Variants in SGPP2 observed in about 807,000 individuals in gnomAD.
The protein encoded by SGPP2 is sphingosine 1-phosphate phosphohydrolase 2.
SGPP2 carries 30 observed loss-of-function variants against 33.9 expected under a neutral mutation model. That is an observed-to-expected ratio of 0.89 (90% CI 0.66 to 1.20). The LOEUF (loss-of-function observed/expected upper bound fraction) is 1.20, where lower values mean the gene tolerates loss of function less well. SGPP2 is among the 50% of genes most tolerant of loss of function. The pLI, the probability that SGPP2 is intolerant of heterozygous loss-of-function variation, is 0.00. For missense variants in SGPP2, 458 were observed against 532.1 expected, an observed-to-expected ratio of 0.86 and a Z score of 1.37; for synonymous variants, 233 against 225.0, an observed-to-expected ratio of 1.04 and a Z score of -0.32.
chr2:222,438,128 G>C (rs1168368280), intron 1 of SGPP2, among the ~76,000 whole-genome samples: 1 of 152,120 alleles, frequency 6.6e-6, no homozygotes, highest in Admixed American at 6.5e-5. Context: ...ATCCAAATAG[G>C]CCCATTAGGC....
At chr2:222,451,836 C>T (rs1350906618) in intron 1 of SGPP2, among the ~76,000 whole-genome samples, 2 of 152,164 alleles carry the variant, frequency 1.3e-5, no homozygotes, top group Non-Finnish European at 2.9e-5. Context: ...TTGTTTAATG[C>T]TGATGGGTGG....
chr2:222,453,733 CT>C (rs1697528323), intron 1 of SGPP2, among the ~76,000 whole-genome samples: 1 of 152,050 alleles, frequency 6.6e-6, no homozygotes, highest in Non-Finnish European at 1.5e-5. Context: ...TGTTGATTGA[CT>C]GTTTATGTTA....
intron 2 of SGPP2, among the ~76,000 whole-genome samples, chr2:222,493,144 AATTTACTGT>A (rs1167535095): frequency 6.6e-6 from 1 of 152,214 alleles, no homozygotes; most frequent in East Asian, 1.9e-4. Flanking sequence ...CTTTGGTACC[AATTTACTGT>A]ATTAGTCGAT....
intron 4 of SGPP2, among the ~76,000 whole-genome samples, chr2:222,549,325 G>A (rs961606674): frequency 1.3e-5 from 2 of 152,236 alleles, no homozygotes; most frequent in African/African-American, 4.8e-5. Context: ...TTTGGAGATA[G>A]AATGGAAATT....
intron 1 of SGPP2, among the ~76,000 whole-genome samples, chr2:222,439,136 G>A (rs1179104108): frequency 6.6e-6 from 1 of 152,172 alleles, no homozygotes; most frequent in Admixed American, 6.5e-5. Flanking sequence ...CAGAGTCAGT[G>A]TCCACTAGTC....
chr2:222,437,517 A>G (rs1574830206), intron 1 of SGPP2, among the ~76,000 whole-genome samples: 1 of 152,208 alleles, frequency 6.6e-6, no homozygotes, highest in Admixed American at 6.5e-5. Context: ...CCATGAGGCC[A>G]TCGGTGCAGG....
In SGPP2 at chr2:222,561,029, C is replaced by A. The variant is rs371371590; in HGVS notation, c.*2131C>A. 1 of 150,852 alleles carries A rather than the reference C, an allele frequency of 6.6e-6. No individual in the cohort carries two copies. Among genetic ancestry groups the A allele is most frequent in the Admixed American group, 6.6e-5 (1 of 15,052 alleles). 9.3% of individuals were successfully genotyped at this position (150,852 alleles called of 1,614,324 possible). ...CTGAGGCAGGAGAATGGCGTGAACC[C>A]GGTGAGCGGAGCTTGCAGTGAGCCG... On this transcript the variant is annotated 3_prime_UTR_variant, in exon 5 of 5. Coordinates refer to ENST00000321276, the MANE Select transcript of SGPP2 (RefSeq NM_152386.4).
intron 2 of SGPP2, among the ~76,000 whole-genome samples, chr2:222,483,787 A>G (rs1698064766): frequency 6.6e-6 from 1 of 152,194 alleles, no homozygotes; most frequent in African/African-American, 2.4e-5. Flanking sequence ...GTGCCAAAAG[A>G]TGACTTTAAA....
At chr2:222,490,747 T>A (rs1049020374) in intron 2 of SGPP2, among the ~76,000 whole-genome samples, 2 of 152,030 alleles carry the variant, frequency 1.3e-5, no homozygotes, top group African/African-American at 4.8e-5. Context: ...ACCCAGCAGT[T>A]ATGTGCATTT....
At chr2:222,520,997 C>A (rs981242320) in intron 2 of SGPP2, among the ~76,000 whole-genome samples, 4 of 152,198 alleles carry the variant, frequency 2.6e-5, no homozygotes, top group Non-Finnish European at 5.9e-5. Context: ...TGGGCTCAAG[C>A]CGTCCTCCCG....
rs1337358388 is a variant in SGPP2 at position 222,560,820 on chromosome 2, T to A, written c.*1922T>A. The A allele has an allele frequency of 6.6e-6, 1 of 152,168 alleles. No individual in the cohort carries two copies. The highest frequency in any genetic ancestry group is 1.5e-5 in the Non-Finnish European group (1 of 68,032). The allele number at this position is 152,168 out of a possible 1,614,324, so 9.4% of individuals were successfully genotyped here. A position where few individuals can be genotyped will look rare whatever the true frequency, so the allele number is the denominator to read the frequency against. On this transcript the variant is annotated 3_prime_UTR_variant, in exon 5 of 5. Coordinates refer to ENST00000321276, the MANE Select transcript of SGPP2 (RefSeq NM_152386.4). ...ACTTAGCATTCCAATTTCTCAAGAA[T>A]TTTTAGGCCGGGTGCGGTGGCTCAT...
chr2:222,551,959 A>G (rs1419726476), intron 4 of SGPP2, among the ~76,000 whole-genome samples: 1 of 152,170 alleles, frequency 6.6e-6, no homozygotes, highest in African/African-American at 2.4e-5. Flanking sequence ...GACAGCATAA[A>G]ATGTTTGGTT....
In SGPP2 at chr2:222,436,696, T is replaced by C. The variant is rs559595632; in HGVS notation, c.219+11875T>C. Among the ~76,000 whole-genome samples the C allele has an allele frequency of 9.1e-4, 138 of 152,278 alleles. No individual in the cohort carries two copies. The Middle Eastern group carries it at 0.02, about 23-fold the overall frequency. ...CATTCCATGAGTCCACAGATGATAG[T>C]CTTGGCAGAACATTGCGTGCAGGAT... On this transcript the variant is annotated intron_variant, in intron 1 of 4. Transcript: ENST00000321276.
At chr2:222,503,655 G>A (rs555049998) in intron 2 of SGPP2, among the ~76,000 whole-genome samples, 9 of 152,006 alleles carry the variant, frequency 5.9e-5, no homozygotes, top group Non-Finnish European at 2.9e-5. Flanking sequence ...AACTGCACCC[G>A]CATTGTACAC....
chr2:222,535,197 G>GT (rs1423813473), intron 4 of SGPP2, among the ~76,000 whole-genome samples: 1 of 152,020 alleles, frequency 6.6e-6, no homozygotes, highest in Non-Finnish European at 1.5e-5. Context: ...GGCCAACATG[G>GT]TGAAACCCCA....
chr2:222,527,225 A>T (rs1056234262), intron 4 of SGPP2, among the ~76,000 whole-genome samples: 2 of 152,234 alleles, frequency 1.3e-5, no homozygotes, highest in African/African-American at 2.4e-5. Flanking sequence ...GACATAATGC[A>T]GTTGCACACT....
chr2:222,463,018 T>C (rs1242043795), intron 1 of SGPP2, among the ~76,000 whole-genome samples: 2 of 152,214 alleles, frequency 1.3e-5, no homozygotes, highest in Non-Finnish European at 2.9e-5. Flanking sequence ...TTAAACTTCC[T>C]CAGCGACAGC....
chr2:222,548,723 T>C (rs1235537569), intron 4 of SGPP2, among the ~76,000 whole-genome samples: 1 of 152,222 alleles, frequency 6.6e-6, no homozygotes, highest in African/African-American at 2.4e-5. Context: ...TTTTTGAACT[T>C]ATGCATTCAC....
chr2:222,453,340 G>A lies in SGPP2; in HGVS notation c.220-21228G>A, dbSNP rs1697521814. Among the ~76,000 whole-genome samples the A allele has an allele frequency of 1.3e-5, 2 of 152,116 alleles. 1 individual carries two copies. Among genetic ancestry groups the A allele is most frequent in the African/African-American group, 4.8e-5 (2 of 41,426 alleles). On this transcript the variant is annotated intron_variant, in intron 1 of 4. Transcript: ENST00000321276. ...AAGTAAAAAATTTAAGAGCTGGACT[G>A]GAAAAAAGGCTAAGGCAGCGTTAAG...
Sources: gnomAD v4.1 joint callset for allele counts (sites outside exome capture counted in the v4.1 genomes callset) on GRCh38, gnomAD v4.1.1 for gene constraint, MANE v1.5 for transcripts, NCBI Gene and HGNC (gene_info 2026-07-23, HGNC 2026-07-21) for gene names.